The following MLLT10 variants were observed in gnomAD, a reference collection of about 807,000 sequenced individuals.
MLLT10 encodes the protein protein AF-10.
A neutral mutation model predicts 129.1 loss-of-function variants in MLLT10; 30 were observed. The ratio of observed to expected loss-of-function variants is 0.23; its 90% CI spans 0.17 to 0.32. The LOEUF (loss-of-function observed/expected upper bound fraction) is 0.32, where lower values mean the gene tolerates loss of function less well. Ranked by LOEUF, MLLT10 falls within the 10% of genes least tolerant of loss-of-function variation. MLLT10 has a pLI of 1.00. For synonymous variants in MLLT10, 490 were observed against 446.4 expected (o/e 1.10, Z -1.23); for missense variants, 1,119 against 1,268.3 (o/e 0.88, Z 1.79).
rs960950169 is a variant in MLLT10, at chr10:21,639,568, A to C, written c.700-12105A>C. Reference sequence around the variant, plus strand: ...AGTATGTCACTGGGTAGGGAGGCAGAGCTTCCCCATCCTCTTGGGCCTTTG... The same window carrying C: ...AGTATGTCACTGGGTAGGGAGGCAGCGCTTCCCCATCCTCTTGGGCCTTTG... On this transcript the variant is annotated intron_variant, in intron 8 of 22. Transcript: ENST00000307729. 3.9e-5 allele frequency among the ~76,000 whole-genome samples: 6 copies of C among 152,304 alleles called. No individual in the cohort carries two copies. In the East Asian group the frequency reaches 1.2e-3, roughly 29 times the overall value.
intron 3 of MLLT10, among the ~76,000 whole-genome samples, chr10:21,564,907 C>A (rs1317116738): frequency 6.6e-6 from 1 of 151,334 alleles, no homozygotes; most frequent in Non-Finnish European, 1.5e-5. Context: ...CCAGTTAGTT[C>A]ATAGCGTTGA....
In MLLT10 at chr10:21,708,271, A is replaced by G. The variant is rs373661276; in HGVS notation, c.1700-5501A>G. Among the ~76,000 whole-genome samples, 77 of 152,334 alleles carry G rather than the reference A, an allele frequency of 5.1e-4. No homozygotes were observed. In the South Asian group the frequency reaches 0.015, roughly 30 times the overall value. ...GCTTTGTTTCTCCTCCCTATCCTGA[A>G]CAGATGAATTTCAGTGTATTTTCCT... On this transcript the variant is annotated intron_variant, in intron 13 of 22. Transcript: ENST00000307729.
intron 5 of MLLT10, among the ~76,000 whole-genome samples, chr10:21,604,783 G>A (rs2043889987): frequency 6.6e-6 from 1 of 151,950 alleles, no homozygotes; most frequent in Non-Finnish European, 1.5e-5. Flanking sequence ...CTTGAAAATA[G>A]TTCTCTGTGG....
chr10:21,673,364 A>G lies in MLLT10; in HGVS notation c.1066A>G (p.Thr356Ala), dbSNP rs751267276. The change falls in exon 11 of 23, where the codon ACT (threonine) becomes GCT (alanine). Residue 356 changes from threonine to alanine, a missense_variant. Physicochemically the swap from Thr to Ala is moderately conservative, Grantham distance 58. Coordinates refer to ENST00000307729, the MANE Select transcript of MLLT10 (RefSeq NM_001195626.3). ...SPFPQGSFSG[T>A]PGSVKSSSGS... Reference sequence around the variant, plus strand: ...TTAAACTACAGGCAGTTTTTCAGGAACTCCAGGCAGTGTAAAGTCATCTTC... The same window carrying G: ...TTAAACTACAGGCAGTTTTTCAGGAGCTCCAGGCAGTGTAAAGTCATCTTC... 10 of 1,324,074 alleles carry G rather than the reference A, an allele frequency of 7.6e-6. No homozygotes were observed. The highest frequency in any genetic ancestry group is 3.5e-5 in the Admixed American group (1 of 28,604). 82.0% of individuals were successfully genotyped at this position (1,324,074 alleles called of 1,614,324 possible). A position where few individuals can be genotyped will look rare whatever the true frequency, so the allele number is the denominator to read the frequency against.
intron 3 of MLLT10, chr10:21,541,247 T>G (rs1384872488): frequency 6.6e-6 from 1 of 152,160 alleles, no homozygotes; most frequent in Non-Finnish European, 1.5e-5. Flanking sequence ...TGAGACAGTC[T>G]TGCTCTGTTC....
At chr10:21,582,775 A>G (rs1331051480) in intron 3 of MLLT10, among the ~76,000 whole-genome samples, 1 of 152,232 alleles carries the variant, frequency 6.6e-6, no homozygotes. Flanking sequence ...AAGATGACGT[A>G]TACTAGGTGT....
intron 2 of MLLT10, among the ~76,000 whole-genome samples, chr10:21,537,761 G>T (rs139859230): frequency 6.6e-6 from 1 of 152,106 alleles, no homozygotes; most frequent in African/African-American, 2.4e-5. Context: ...GAGCCACCGC[G>T]TCCGACCTGA....
Position 21,718,595 on chromosome 10 carries a change from C to T in MLLT10, c.1878+4645C>T, listed in dbSNP as rs1172096417. ...TACAATCTTCATGTGATAATCATGG[C>T]TTCTTGTCTATCCCATGTTACTGTT... On this transcript the variant is annotated intron_variant, in intron 14 of 22. Transcript: ENST00000307729. Among the ~76,000 whole-genome samples, 4 of 152,180 alleles carry T rather than the reference C, an allele frequency of 2.6e-5. No homozygotes were observed. In the East Asian group the frequency reaches 7.7e-4, roughly 29 times the overall value.
chr10:21,674,241 T>G (rs2051821115), intron 11 of MLLT10, among the ~76,000 whole-genome samples: 1 of 150,426 alleles, frequency 6.6e-6, no homozygotes, highest in African/African-American at 2.4e-5. Context: ...TGCACAGTAT[T>G]TTTTTTTTAA....
At chr10:21,536,469 C>T (rs1409317992) in intron 2 of MLLT10, among the ~76,000 whole-genome samples, 1 of 152,132 alleles carries the variant, frequency 6.6e-6, no homozygotes, top group Admixed American at 6.5e-5. Flanking sequence ...CTTAAATTTT[C>T]CTTCCTAGAA....
chr10:21,557,604 A>G (rs565463618), intron 3 of MLLT10: 2 of 152,406 alleles, frequency 1.3e-5, no homozygotes, highest in Admixed American at 1.3e-4. Context: ...TGTTGATTTC[A>G]TTCTCTCATA....
chr10:21,574,174 T>A (rs1035213873), intron 3 of MLLT10, among the ~76,000 whole-genome samples: 3 of 152,222 alleles, frequency 2.0e-5, no homozygotes, highest in Non-Finnish European at 4.4e-5. Flanking sequence ...CTTCTCAGAT[T>A]TTCTGTTTTA....
intron 5 of MLLT10, among the ~76,000 whole-genome samples, chr10:21,601,213 T>G (rs1475223979): frequency 6.6e-6 from 1 of 152,204 alleles, no homozygotes; most frequent in African/African-American, 2.4e-5. Context: ...CCCAAAGTGT[T>G]GGAATTACAA....
intron 3 of MLLT10, among the ~76,000 whole-genome samples, chr10:21,575,120 C>T (rs2040598808): frequency 1.3e-5 from 2 of 152,002 alleles, no homozygotes; most frequent in South Asian, 4.1e-4. Flanking sequence ...TTTCTTTTTT[C>T]TACTTACTTT....
At chr10:21,625,047 A>G in intron 8 of MLLT10, 8 of 883,234 alleles carry the variant, frequency 9.1e-6, no homozygotes, top group Non-Finnish European at 1.3e-5. Flanking sequence ...AACCTCCTTG[A>G]TAGATGTGGT....
At chr10:21,656,907 A>G (rs1243200) in intron 9 of MLLT10, among the ~76,000 whole-genome samples, 3 of 152,196 alleles carry the variant, frequency 2.0e-5, no homozygotes, top group African/African-American at 4.8e-5. Flanking sequence ...AGATGATTAG[A>G]TGGAACACAT....
At chr10:21,672,226 C>T (rs1390276550) in intron 10 of MLLT10, among the ~76,000 whole-genome samples, 1 of 137,922 alleles carries the variant, frequency 7.3e-6, no homozygotes, top group Admixed American at 7.2e-5. Flanking sequence ...GAGACAGGGC[C>T]TTGCTTTGTT....
At chr10:21,660,615 CAAAAAAA>C (rs55685640) in intron 9 of MLLT10, among the ~76,000 whole-genome samples, 1 of 41,824 alleles carries the variant, frequency 2.4e-5, no homozygotes, top group Non-Finnish European at 4.4e-5. Flanking sequence ...GACTCCATCT[CAAAAAAA>C]AAAAAAAAAA....
intron 14 of MLLT10, among the ~76,000 whole-genome samples, chr10:21,726,043 G>T (rs1241768910): frequency 6.6e-6 from 1 of 152,006 alleles, no homozygotes; most frequent in African/African-American, 2.4e-5. Context: ...GAGCCACCGC[G>T]CCCGGCCTAG....
Sources: gnomAD v4.1 joint callset for allele counts (sites outside exome capture counted in the v4.1 genomes callset) on GRCh38, gnomAD v4.1.1 for gene constraint, MANE v1.5 for transcripts, NCBI Gene and HGNC (gene_info 2026-07-23, HGNC 2026-07-21) for gene names.